The following XPOT variants were observed in gnomAD, a reference collection of about 807,000 sequenced individuals.
XPOT encodes exportin-T.
XPOT carries 34 observed loss-of-function variants against 128.2 expected under a neutral mutation model. The observed-to-expected ratio is 0.27, with a 90% CI of 0.20 to 0.35. The LOEUF (loss-of-function observed/expected upper bound fraction) is 0.35, where lower values mean the gene tolerates loss of function less well. Ranked by LOEUF, XPOT falls within the 10% of genes least tolerant of loss-of-function variation. XPOT has a pLI of 1.00. For synonymous variants in XPOT, 348 were observed against 394.3 expected, an observed-to-expected ratio of 0.88 and a Z score of 1.39; for missense variants, 838 against 1,125.3, an observed-to-expected ratio of 0.74 and a Z score of 3.65.
intron 1 of XPOT, among the ~76,000 whole-genome samples, chr12:64,408,141 G>A (rs370930003): frequency 1.3e-5 from 2 of 151,878 alleles, no homozygotes; most frequent in Non-Finnish European, 1.5e-5. Flanking sequence ...ACAGAGTCTC[G>A]TTCTGTCACC....
chr12:64,416,754 A>G lies in XPOT; in HGVS notation c.200A>G (p.Lys67Arg), dbSNP rs1565795865. The stretch of plus-strand genomic sequence containing the variant: ...GTACTGGAACATCAAGTTAAATACA[A>G]GTAAGGCTTTTCTTACTGTTTTGAC... Reference protein sequence around the residue: ...FQVLEHQVKYKYSELTTVQQQ... With the variant: ...FQVLEHQVKYRYSELTTVQQQ... The change falls in exon 4 of 25, where the codon AAA (lysine) becomes AGA (arginine). Residue 67 changes from lysine (K) to arginine (R), a missense_variant and splice_region_variant. Transcript: ENST00000332707. The G allele has an allele frequency of 3.7e-6, 6 of 1,612,388 alleles. No individual in the cohort carries two copies. Among genetic ancestry groups the G allele is most frequent in the Non-Finnish European group, 4.2e-6 (5 of 1,179,096 alleles).
At position 64,428,061 on chromosome 12, in the gene XPOT, A is replaced by G; in HGVS notation, c.1678A>G (p.Asn560Asp). The G allele has an allele frequency of 6.4e-7, 1 of 1,570,856 alleles. No individual in the cohort carries two copies. The highest frequency in any genetic ancestry group is 8.8e-7 in the Non-Finnish European group (1 of 1,142,830). ...TTTTCTGTTTTTCAGTAAGCAAATG[A>G]ATCCTTTCATTGAGGATATTTTGAA... Reference protein sequence around the residue: ...RFVKSLNKQMNPFIEDILNRI... With the variant: ...RFVKSLNKQMDPFIEDILNRI... The change falls in exon 16 of 25, where the codon AAT becomes GAT. Residue 560 changes from asparagine (N) to aspartate (D), a missense_variant. Transcript: ENST00000332707.
intron 24 of XPOT, among the ~76,000 whole-genome samples, chr12:64,445,983 TCTTCC>T (rs2136042053): frequency 6.6e-6 from 1 of 152,342 alleles, no homozygotes; most frequent in African/African-American, 2.4e-5. Context: ...GGTTCTAACA[TCTTCC>T]CTTGTCAGTT....
At chr12:64,447,539 C>T (rs1018828675) in intron 24 of XPOT, among the ~76,000 whole-genome samples, 5 of 151,652 alleles carry the variant, frequency 3.3e-5, no homozygotes, top group Non-Finnish European at 7.4e-5. Context: ...AGTGCAGTGG[C>T]ACGATCTCGG....
intron 5 of XPOT, 81 bp downstream of exon 5, chr12:64,418,196 A>C: frequency 1.7e-6 from 2 of 1,172,554 alleles, no homozygotes; most frequent in Non-Finnish European, 2.5e-6. Context: ...ACTTTACCTC[A>C]AAGATTTTCA....
chr12:64,425,534 C>G (rs2040184252), intron 14 of XPOT, 77 bp downstream of exon 14: 4 of 1,535,702 alleles, frequency 2.6e-6, no homozygotes, highest in Non-Finnish European at 3.5e-6. Flanking sequence ...ATTTTTCTGT[C>G]TATAACTTTT....
intron 22 of XPOT, among the ~76,000 whole-genome samples, chr12:64,437,070 C>T (rs745869811): frequency 5.3e-5 from 8 of 152,152 alleles, no homozygotes; most frequent in Non-Finnish European, 2.9e-5. Context: ...AGCTTTTGCT[C>T]AGTGGTCTCC....
At chr12:64,409,865 A>AGCTT in intron 1 of XPOT, 97 bp from the exon 2 acceptor site, 1 of 556,390 alleles carries the variant, frequency 1.8e-6, no homozygotes, top group Non-Finnish European at 3.2e-6. Flanking sequence ...TAAACATTTA[A>AGCTT]GCTTCTTTGC....
chr12:64,407,483 C>CA (rs534365929), intron 1 of XPOT, among the ~76,000 whole-genome samples: 18,534 of 104,138 alleles, frequency 0.18, 1,387 homozygotes, highest in Middle Eastern at 0.29. Flanking sequence ...GAGACTGTCT[C>CA]AAAAAAAAAA....
At chr12:64,432,005 T>C (rs942261374) in intron 18 of XPOT, among the ~76,000 whole-genome samples, 182 bp downstream of exon 18, 6 of 152,190 alleles carry the variant, frequency 3.9e-5, no homozygotes, top group African/African-American at 1.4e-4. Flanking sequence ...GATACATAGG[T>C]CATGCTTAAT....
chr12:64,443,517 C>T (rs1435180505), intron 23 of XPOT, among the ~76,000 whole-genome samples: 8 of 152,044 alleles, frequency 5.3e-5, no homozygotes, highest in Non-Finnish European at 7.4e-5. Context: ...TGCAGTGGTG[C>T]GATCTTGGCT....
At position 64,448,436 on chromosome 12, in the gene XPOT, C is replaced by T. The variant is rs1018744723; in HGVS notation, c.*305C>T. 3.5e-6 allele frequency: 1 copy of T among 284,404 alleles called. No homozygotes were observed. Among genetic ancestry groups the T allele is most frequent in the South Asian group, 9.2e-5 (1 of 10,844 alleles). The allele number at this position is 284,404 out of a possible 1,614,324, so 17.6% of individuals were successfully genotyped here. On this transcript the variant is annotated 3_prime_UTR_variant, in exon 25 of 25. Coordinates refer to ENST00000332707, the MANE Select transcript of XPOT (RefSeq NM_007235.6). ...TTTAAGTCAAGTCCTTTATAAAGAC[C>T]ATAGCAGTGGAAAACAGTGTACTTT...
chr12:64,444,340 C>T (rs2040351367), intron 23 of XPOT, among the ~76,000 whole-genome samples: 1 of 152,168 alleles, frequency 6.6e-6, no homozygotes, highest in East Asian at 1.9e-4. Flanking sequence ...ATGCTATAAA[C>T]CTCTTGTGGT....
In XPOT at chr12:64,433,448, T is replaced by C. The variant is rs199842344; in HGVS notation, c.2297T>C (p.Met766Thr). ...QVSPFLQQMF[M>T]PLLHAIFEVL... ...TCCCCGTTTTTACAACAGATGTTCA[T>C]GCCCCTGCTTCATGCAATTTTTGAA... Residue 766 changes from methionine (M) to threonine (T), a missense_variant, in exon 19 of 25, where the codon ATG (methionine) becomes ACG (threonine). This residue lies in a region of XPOT where 761 missense variants were observed against 988.3 expected (regional missense o/e 0.77). Coordinates refer to ENST00000332707, the MANE Select transcript of XPOT (RefSeq NM_007235.6). 96 of 1,585,776 alleles carry C rather than the reference T, an allele frequency of 6.1e-5. No homozygotes were observed. In the East Asian group the frequency reaches 2.2e-3, roughly 36 times the overall value.
At chr12:64,406,868 A>G (rs2039988390) in intron 1 of XPOT, among the ~76,000 whole-genome samples, 1 of 152,194 alleles carries the variant, frequency 6.6e-6, no homozygotes, top group African/African-American at 2.4e-5. Context: ...TCTTTTAAAA[A>G]TGCTGATCTG....
chr12:64,432,131 C>T (rs1006229977), intron 18 of XPOT, among the ~76,000 whole-genome samples: 4 of 152,170 alleles, frequency 2.6e-5, no homozygotes, highest in Non-Finnish European at 5.9e-5. Context: ...CACCATAATT[C>T]AGGTACCCAA....
chr12:64,428,546 A>AT (rs1255292279), intron 16 of XPOT, among the ~76,000 whole-genome samples: 6 of 152,084 alleles, frequency 3.9e-5, no homozygotes, highest in Non-Finnish European at 5.9e-5. Flanking sequence ...TTTCCCTGTC[A>AT]TTTCAGGCTT....
At chr12:64,414,389 T>G (rs1273631304) in intron 2 of XPOT, among the ~76,000 whole-genome samples, 1 of 152,196 alleles carries the variant, frequency 6.6e-6, no homozygotes, top group Admixed American at 6.5e-5. Context: ...TTAGGGAACT[T>G]ACATGATATA....
chr12:64,439,318 A>G lies in XPOT; in HGVS notation c.2805+3A>G, dbSNP rs1313852416. 1.2e-6 allele frequency: 2 copies of G among 1,613,406 alleles called. No homozygotes were observed. Among genetic ancestry groups the G allele is most frequent in the African/African-American group, 1.3e-5 (1 of 74,934 alleles). The stretch of plus-strand genomic sequence containing the variant: ...AAGTAGCTCCAGAAATAATTCAGGT[A>G]AGAGCTATTTCTTACCATTGTGTAG... On this transcript the variant is annotated splice_donor_region_variant and intron_variant, in intron 23 of 24. Coordinates refer to ENST00000332707, the MANE Select transcript of XPOT (RefSeq NM_007235.6).
Sources: gnomAD v4.1 joint callset for allele counts (sites outside exome capture counted in the v4.1 genomes callset) on GRCh38, gnomAD v4.1.1 for gene constraint, gnomAD v4.1.1 regional missense constraint, MANE v1.5 for transcripts, NCBI Gene and HGNC (gene_info 2026-07-23, HGNC 2026-07-21) for gene names.